Variants in UNC5D observed in about 807,000 individuals in gnomAD.
UNC5D encodes netrin receptor UNC5D.
A neutral mutation model predicts 105.4 loss-of-function variants in UNC5D; 39 were observed. The observed-to-expected ratio is 0.37, with a 90% CI of 0.29 to 0.48. The LOEUF (loss-of-function observed/expected upper bound fraction) is 0.48, where lower values mean the gene tolerates loss of function less well. Ranked by LOEUF, UNC5D falls within the 20% of genes least tolerant of loss-of-function variation. UNC5D has a pLI of 0.98. For missense variants in UNC5D, 991 were observed against 1,202.4 expected, an observed-to-expected ratio of 0.82 and a Z score of 2.60; for synonymous variants, 452 against 450.4, an observed-to-expected ratio of 1.00 and a Z score of -0.04.
chr8:35,449,004 T>C (rs975989706), intron 1 of UNC5D, among the ~76,000 whole-genome samples: 3 of 152,152 alleles, frequency 2.0e-5, no homozygotes, highest in Non-Finnish European at 4.4e-5. Context: ...AAATCTGTTG[T>C]GCTTATTGTT....
At chr8:35,408,464 T>C (rs1804950439) in intron 1 of UNC5D, among the ~76,000 whole-genome samples, 1 of 150,370 alleles carries the variant, frequency 6.7e-6, no homozygotes, top group Non-Finnish European at 1.5e-5. Flanking sequence ...CTCCTTTCTG[T>C]GTGTACCATT....
intron 1 of UNC5D, among the ~76,000 whole-genome samples, chr8:35,528,260 T>C (rs1230261179): frequency 6.6e-6 from 1 of 150,590 alleles, no homozygotes; most frequent in Non-Finnish European, 1.5e-5. Context: ...TGTGATCTCA[T>C]TGTTCAATTC....
intron 1 of UNC5D, among the ~76,000 whole-genome samples, chr8:35,455,085 C>T (rs557613300): frequency 6.6e-6 from 1 of 152,170 alleles, no homozygotes; most frequent in South Asian, 2.1e-4. Context: ...TATAGGTTTA[C>T]TCCAGTAAAA....
chr8:35,664,665 C>T (rs890780209), intron 4 of UNC5D, among the ~76,000 whole-genome samples: 1 of 152,046 alleles, frequency 6.6e-6, no homozygotes, highest in African/African-American at 2.4e-5. Context: ...AGGTGTGAGC[C>T]ACCTCACCTG....
At chr8:35,744,963 G>T (rs2131620185) in intron 11 of UNC5D, among the ~76,000 whole-genome samples, 2 of 152,096 alleles carry the variant, frequency 1.3e-5, no homozygotes, top group South Asian at 4.2e-4. Context: ...TGAGGCTGTA[G>T]AATCGCTTGA....
chr8:35,399,955 G>A (rs534701576), intron 1 of UNC5D, among the ~76,000 whole-genome samples: 5 of 152,194 alleles, frequency 3.3e-5, no homozygotes, highest in African/African-American at 1.2e-4. Flanking sequence ...TGATTCCCTG[G>A]TGATAAAAAA....
At chr8:35,313,850 G>A (rs1333623570) in intron 1 of UNC5D, among the ~76,000 whole-genome samples, 2 of 152,186 alleles carry the variant, frequency 1.3e-5, no homozygotes, top group Non-Finnish European at 2.9e-5. Flanking sequence ...TAAGCTTAGA[G>A]CAGTGTGTGA....
intron 1 of UNC5D, among the ~76,000 whole-genome samples, chr8:35,239,484 C>A (rs1410929925): frequency 1.5e-5 from 2 of 131,016 alleles, no homozygotes; most frequent in African/African-American, 6.4e-5. Context: ...GTTTGATATC[C>A]TTCCCTTCTG....
At chr8:35,387,872 TTTAG>T (rs1279766421) in intron 1 of UNC5D, among the ~76,000 whole-genome samples, 16 of 152,208 alleles carry the variant, frequency 1.1e-4, no homozygotes, top group African/African-American at 3.4e-4. Flanking sequence ...AGTCTATTTA[TTTAG>T]TATTATAGTG....
chr8:35,369,903 C>T (rs1802330092), intron 1 of UNC5D, among the ~76,000 whole-genome samples: 1 of 152,134 alleles, frequency 6.6e-6, no homozygotes, highest in African/African-American at 2.4e-5. Flanking sequence ...TAAACCCACC[C>T]ACTTATTTTC....
intron 1 of UNC5D, among the ~76,000 whole-genome samples, chr8:35,303,473 T>TA (rs1479233238): frequency 6.6e-5 from 10 of 152,184 alleles, no homozygotes; most frequent in African/African-American, 2.4e-4. Flanking sequence ...TAGGTTTAGA[T>TA]AATTAGAATT....
chr8:35,247,609 T>A lies in UNC5D; in HGVS notation c.103+11722T>A, dbSNP rs1279260067. Among the ~76,000 whole-genome samples, 42 of 93,180 alleles carry A rather than the reference T, an allele frequency of 4.5e-4. 1 individual carries two copies. Among genetic ancestry groups the A allele is most frequent in the South Asian group, 1.4e-3 (5 of 3,474 alleles). The allele number at this position is 93,180 out of a possible 152,430, so 61.1% of individuals were successfully genotyped here. ...ATAAAATATATATAATATATAAATA[T>A]ATATTATATATAAAATATATATAAT... On this transcript the variant is annotated intron_variant, in intron 1 of 16. Coordinates refer to ENST00000404895, the MANE Select transcript of UNC5D (RefSeq NM_080872.4).
At chr8:35,376,300 A>C (rs1802696459) in intron 1 of UNC5D, among the ~76,000 whole-genome samples, 2 of 152,180 alleles carry the variant, frequency 1.3e-5, no homozygotes, top group Non-Finnish European at 2.9e-5. Flanking sequence ...AAAGTCTTTT[A>C]CCTAAAAGAA....
chr8:35,400,661 G>A (rs558136652), intron 1 of UNC5D, among the ~76,000 whole-genome samples: 3 of 152,200 alleles, frequency 2.0e-5, no homozygotes, highest in African/African-American at 7.2e-5. Flanking sequence ...TACACCCAGA[G>A]GCATCATCTG....
intron 1 of UNC5D, among the ~76,000 whole-genome samples, chr8:35,307,127 A>C (rs2128875872): frequency 6.6e-6 from 1 of 152,288 alleles, no homozygotes; most frequent in African/African-American, 2.4e-5. Context: ...AAAAGAAAAA[A>C]AAAATTACAA....
intron 1 of UNC5D, among the ~76,000 whole-genome samples, chr8:35,390,855 A>G (rs1197969582): frequency 1.3e-5 from 2 of 152,226 alleles, no homozygotes; most frequent in African/African-American, 2.4e-5. Context: ...AGAGTGTACC[A>G]TGTATTCTCC....
intron 1 of UNC5D, among the ~76,000 whole-genome samples, chr8:35,466,158 A>G (rs1809291462): frequency 1.3e-5 from 2 of 152,120 alleles, no homozygotes; most frequent in African/African-American, 2.4e-5. Flanking sequence ...TCCTACCTTC[A>G]TGCTTTTTCC....
chr8:35,245,427 T>C (rs929051685), intron 1 of UNC5D, among the ~76,000 whole-genome samples: 31 of 152,244 alleles, frequency 2.0e-4, no homozygotes, highest in African/African-American at 7.5e-4. Context: ...TCTCTCAGTC[T>C]TGGGACCAGA....
At chr8:35,687,129 G>A (rs1006445635) in intron 7 of UNC5D, among the ~76,000 whole-genome samples, 2 of 152,168 alleles carry the variant, frequency 1.3e-5, no homozygotes, top group African/African-American at 2.4e-5. Flanking sequence ...TCTGTGGCAA[G>A]GAACATGTCT....
Sources: gnomAD v4.1 joint callset for allele counts (sites outside exome capture counted in the v4.1 genomes callset) on GRCh38, gnomAD v4.1.1 for gene constraint, MANE v1.5 for transcripts, NCBI Gene and HGNC (gene_info 2026-07-23, HGNC 2026-07-21) for gene names.